USP32: variants seen among roughly 807,000 people sequenced by gnomAD.
USP32 encodes ubiquitin specific peptidase 32, also known as ubiquitin carboxyl-terminal hydrolase 32.
In USP32, 59 loss-of-function variants were observed where a neutral mutation model predicts 204.8. The ratio of observed to expected loss-of-function variants is 0.29; its 90% confidence interval spans 0.23 to 0.36. The LOEUF (loss-of-function observed/expected upper bound fraction) is 0.36. Ranked by LOEUF, USP32 falls within the 10% of genes least tolerant of loss-of-function variation. The pLI is 1.00. For synonymous variants in USP32, 517 were observed against 678.4 expected, an observed-to-expected ratio of 0.76 and a Z score of 3.70; for missense variants, 1,160 against 1,946.4, an observed-to-expected ratio of 0.60 and a Z score of 7.60.
At chr17:60,404,749 A>G (rs2089962207) in intron 1 of USP32, among the ~76,000 whole-genome samples, 1 of 152,202 alleles carries the variant, frequency 6.6e-6, no homozygotes, top group African/African-American at 2.4e-5. Context: ...TTCTAAAAAT[A>G]GTGGCTGCTG....
At chr17:60,227,576 T>C (rs538755442) in intron 12 of USP32, among the ~76,000 whole-genome samples, 20 of 151,292 alleles carry the variant, frequency 1.3e-4, no homozygotes, top group Middle Eastern at 6.8e-3. Flanking sequence ...ATTCAGTTTT[T>C]CTTTTCTTTT....
rs79857482 is a variant in USP32, at chr17:60,384,124, G to A, written c.58+7758C>T. Among the ~76,000 whole-genome samples, 110 of 152,350 alleles carry A rather than the reference G, an allele frequency of 7.2e-4. 1 individual carries two copies. In the East Asian group the frequency reaches 0.016, roughly 22 times the overall value. Reference sequence around the variant, plus strand: ...AAAGTGAGAGAAAGGGAGGAACTGAGGATATGTCTAGATTTTTCAGTTTAG... The same window carrying A: ...AAAGTGAGAGAAAGGGAGGAACTGAAGATATGTCTAGATTTTTCAGTTTAG... On this transcript the variant is annotated intron_variant, in intron 1 of 33. Transcript: ENST00000300896.
rs537055632 is a variant in USP32 at position 60,288,148 on chromosome 17, C to G, written c.571+375G>C. On this transcript the variant is annotated intron_variant, in intron 5 of 33. Transcript: ENST00000300896. ...AAAAAAAAAAAAAAAAAAGTCTTGG[C>G]TGGGCACAGTGACTCACAACTGTAA... Among the ~76,000 whole-genome samples the G allele has an allele frequency of 7.1e-5, 10 of 140,934 alleles. No homozygotes were observed. The Admixed American group carries it at 7.2e-4, about 10-fold the overall frequency. The allele number at this position is 140,934 out of a possible 152,430, so 92.5% of individuals were successfully genotyped here.
chr17:60,298,470 T>G (rs2087494269), intron 3 of USP32, among the ~76,000 whole-genome samples: 1 of 152,204 alleles, frequency 6.6e-6, no homozygotes, highest in African/African-American at 2.4e-5. Context: ...TAAATCATCA[T>G]TAGGTTATTT....
chr17:60,289,283 C>T (rs1246606624), intron 4 of USP32, among the ~76,000 whole-genome samples: 1 of 152,210 alleles, frequency 6.6e-6, no homozygotes, highest in Non-Finnish European at 1.5e-5. Flanking sequence ...GCTGGGATTA[C>T]AGGCATGAGC....
chr17:60,266,326 C>A (rs147296142), intron 7 of USP32, among the ~76,000 whole-genome samples: 406 of 152,262 alleles, frequency 2.7e-3, no homozygotes, highest in Non-Finnish European at 4.0e-3. Context: ...TAAGACCCTA[C>A]CCTTCAGCCA....
At position 60,208,052 on chromosome 17, in the gene USP32, A is replaced by G. The variant is rs1337004543; in HGVS notation, c.2925+7T>C. ...AATCAAAAGTTTCTTAGAGTAGTTA[A>G]TATTACCTTTATGTTGGAACCATGT... On this transcript the variant is annotated splice_region_variant and intron_variant, in intron 24 of 33. Coordinates refer to ENST00000300896, the MANE Select transcript of USP32 (RefSeq NM_032582.4). 4.5e-6 allele frequency: 7 copies of G among 1,561,666 alleles called. No individual in the cohort carries two copies.
chr17:60,302,109 G>GTTTA (rs766457688), intron 2 of USP32, among the ~76,000 whole-genome samples: 5 of 130,376 alleles, frequency 3.8e-5, no homozygotes, highest in African/African-American at 1.3e-4. Context: ...TAAATATTTT[G>GTTTA]TTTGTTTATT....
chr17:60,198,638 T>A (rs2084589736), intron 26 of USP32, among the ~76,000 whole-genome samples, 194 bp from the exon 27 acceptor site: 1 of 152,266 alleles, frequency 6.6e-6, no homozygotes, highest in South Asian at 2.1e-4. Flanking sequence ...TTAAAGGGGC[T>A]GAGGTATTGC....
At chr17:60,245,688 C>A in intron 11 of USP32, 1 of 184,520 alleles carries the variant, frequency 5.4e-6, no homozygotes, top group Non-Finnish European at 1.1e-5. Context: ...GTAGGCAGCG[C>A]CAAGGAAGAG....
chr17:60,347,593 T>G (rs1350690303), intron 1 of USP32, among the ~76,000 whole-genome samples: 1 of 151,160 alleles, frequency 6.6e-6, no homozygotes, highest in African/African-American at 2.4e-5. Flanking sequence ...AACCTCGTGA[T>G]CCACCCGCCT....
At chr17:60,318,603 G>C (rs147296064) in intron 2 of USP32, among the ~76,000 whole-genome samples, 1 of 152,188 alleles carries the variant, frequency 6.6e-6, no homozygotes, top group Non-Finnish European at 1.5e-5. Flanking sequence ...AAAATCATTA[G>C]TGGCTTTTAG....
At chr17:60,417,930 C>T (rs1365933661) in intron 1 of USP32, among the ~76,000 whole-genome samples, 1 of 149,098 alleles carries the variant, frequency 6.7e-6, no homozygotes, top group Non-Finnish European at 1.5e-5. Flanking sequence ...GCTGGGGCTA[C>T]AGGCGTCCAC....
chr17:60,246,357 T>C (rs2086024095), intron 11 of USP32, among the ~76,000 whole-genome samples: 1 of 152,090 alleles, frequency 6.6e-6, no homozygotes, highest in African/African-American at 2.4e-5. Flanking sequence ...AGGATTGCAT[T>C]CATTTTATGG....
chr17:60,232,124 T>C (rs1188381672), intron 12 of USP32, among the ~76,000 whole-genome samples: 1 of 151,774 alleles, frequency 6.6e-6, no homozygotes, highest in Non-Finnish European at 1.5e-5. Context: ...CAGATGAAGC[T>C]CTAAGATCAA....
intron 1 of USP32, among the ~76,000 whole-genome samples, chr17:60,387,697 C>T (rs1317351449): frequency 6.6e-6 from 1 of 151,944 alleles, no homozygotes; most frequent in East Asian, 1.9e-4. Context: ...CCAATAAACC[C>T]ATCATAAGTT....
chr17:60,239,117 G>GT (rs2085810684), intron 11 of USP32, among the ~76,000 whole-genome samples: 1 of 152,088 alleles, frequency 6.6e-6, no homozygotes, highest in African/African-American at 2.4e-5. Flanking sequence ...CTTGGTTACA[G>GT]TTTTTCCCCC....
At chr17:60,265,893 T>C (rs2086578584) in intron 8 of USP32, 83 bp downstream of exon 8, 6 of 1,085,772 alleles carry the variant, frequency 5.5e-6, no homozygotes, top group Non-Finnish European at 8.2e-6. Flanking sequence ...TAACAAATTA[T>C]TTTATGCTTT....
intron 1 of USP32, among the ~76,000 whole-genome samples, chr17:60,378,893 A>T (rs1343434897): frequency 2.0e-5 from 3 of 152,114 alleles, no homozygotes; most frequent in South Asian, 4.1e-4. Context: ...TACATTTTTT[A>T]AAATAGTTCA....
Sources: allele counts gnomAD v4.1 joint callset (sites outside exome capture counted in the v4.1 genomes callset), GRCh38; gene constraint gnomAD v4.1.1; transcripts MANE v1.5; gene names NCBI Gene and HGNC (gene_info 2026-07-23, HGNC 2026-07-21).